ADGRB3: variants seen among roughly 807,000 people sequenced by gnomAD.
ADGRB3 encodes brain-specific angiogenesis inhibitor 3.
A neutral mutation model predicts 193.4 loss-of-function variants in ADGRB3; 37 were observed. That is an observed-to-expected ratio of 0.19 (90% CI 0.15 to 0.25). The LOEUF (loss-of-function observed/expected upper bound fraction) is 0.25. Ranked by LOEUF, ADGRB3 falls within the 10% of genes least tolerant of loss-of-function variation. ADGRB3 has a pLI of 1.00. For missense variants in ADGRB3, 1,637 were observed against 1,852.9 expected, an observed-to-expected ratio of 0.88 and a Z score of 2.14; for synonymous variants, 690 against 644.2, an observed-to-expected ratio of 1.07 and a Z score of -1.08.
chr6:68,797,876 T>C (rs1003249532), intron 3 of ADGRB3, among the ~76,000 whole-genome samples: 1 of 152,226 alleles, frequency 6.6e-6, no homozygotes, highest in Non-Finnish European at 1.5e-5. Context: ...AACCATATAA[T>C]AATTCTTTTG....
Position 69,201,571 on chromosome 6 carries a change from C to G in ADGRB3, c.2481-31719C>G, listed in dbSNP as rs182942826. On this transcript the variant is annotated intron_variant, in intron 17 of 31. Coordinates refer to ENST00000370598, the MANE Select transcript of ADGRB3 (RefSeq NM_001704.3). The stretch of plus-strand genomic sequence containing the variant: ...GTTTTGCTTCATTCTCTTCTATATA[C>G]TTACATTTTATTGATTCAAAATATC... Among the ~76,000 whole-genome samples the G allele has an allele frequency of 2.9e-3, 443 of 152,108 alleles. 5 individuals are homozygous for G. Among genetic ancestry groups the G allele is most frequent in the Middle Eastern group, 0.02 (6 of 294 alleles).
At chr6:68,954,371 T>G (rs895561633) in intron 6 of ADGRB3, among the ~76,000 whole-genome samples, 1 of 152,196 alleles carries the variant, frequency 6.6e-6, no homozygotes, top group Non-Finnish European at 1.5e-5. Context: ...TTGAATGAAT[T>G]AATACATGAA....
At chr6:68,726,629 A>G (rs1765678583) in intron 3 of ADGRB3, among the ~76,000 whole-genome samples, 1 of 151,598 alleles carries the variant, frequency 6.6e-6, no homozygotes, top group African/African-American at 2.4e-5. Context: ...ATTTCCCTAT[A>G]TGGAAAATAA....
intron 17 of ADGRB3, among the ~76,000 whole-genome samples, chr6:69,143,586 A>T (rs939968310): frequency 1.4e-4 from 22 of 152,308 alleles, no homozygotes; most frequent in African/African-American, 5.1e-4. Flanking sequence ...GTGTAGTTTC[A>T]TTCTTCTGCA....
intron 17 of ADGRB3, among the ~76,000 whole-genome samples, chr6:69,159,007 G>A (rs151195322): frequency 1.8e-3 from 271 of 151,928 alleles, no homozygotes; most frequent in African/African-American, 6.1e-3. Context: ...TCTATACCAT[G>A]CCTCATGAAA....
intron 17 of ADGRB3, among the ~76,000 whole-genome samples, chr6:69,214,261 G>T (rs1204176947): frequency 6.6e-6 from 1 of 152,150 alleles, no homozygotes; most frequent in Non-Finnish European, 1.5e-5. Context: ...AGTGGTGTCA[G>T]CTGGGTGTGG....
At chr6:68,808,508 C>T (rs550173346) in intron 3 of ADGRB3, among the ~76,000 whole-genome samples, 3 of 151,762 alleles carry the variant, frequency 2.0e-5, no homozygotes, top group South Asian at 2.1e-4. Flanking sequence ...CAATACACTA[C>T]CAATTGTATA....
intron 17 of ADGRB3, among the ~76,000 whole-genome samples, chr6:69,197,140 G>T (rs987018783): frequency 2.0e-5 from 3 of 151,716 alleles, no homozygotes; most frequent in Non-Finnish European, 2.9e-5. Context: ...CAAGACAAAA[G>T]GTTTTTTAAA....
chr6:68,731,255 G>T (rs989922622), intron 3 of ADGRB3, among the ~76,000 whole-genome samples: 1 of 151,204 alleles, frequency 6.6e-6, no homozygotes, highest in African/African-American at 2.4e-5. Context: ...CTTAATCCTC[G>T]TGTTACGGAT....
In ADGRB3 at chr6:69,362,499, A is replaced by G. The variant is rs560355882; in HGVS notation, c.4239+987A>G. Among the ~76,000 whole-genome samples the G allele has an allele frequency of 2.6e-5, 4 of 152,082 alleles. No individual in the cohort carries two copies. In the South Asian group the frequency reaches 8.3e-4, roughly 31 times the overall value. ...TTCCACTAGGTCAAAATGAAGAGGC[A>G]TTCTGAGAGTCTTAAAAAATGCGAT... is the stretch of plus-strand genomic sequence containing the variant. On this transcript the variant is annotated intron_variant, in intron 29 of 31. Coordinates refer to ENST00000370598, the MANE Select transcript of ADGRB3 (RefSeq NM_001704.3).
At chr6:69,251,097 C>T (rs574459898) in intron 20 of ADGRB3, among the ~76,000 whole-genome samples, 2 of 152,318 alleles carry the variant, frequency 1.3e-5, no homozygotes, top group South Asian at 4.1e-4. Context: ...GTACCTGTTG[C>T]CCTGGTGCAA....
chr6:68,786,029 G>A (rs962253182), intron 3 of ADGRB3, among the ~76,000 whole-genome samples: 5 of 151,764 alleles, frequency 3.3e-5, no homozygotes, highest in Non-Finnish European at 7.4e-5. Flanking sequence ...ATTTGTTTGA[G>A]TTCATTGTAG....
At chr6:68,960,794 A>AC (rs1554228270) in intron 8 of ADGRB3, among the ~76,000 whole-genome samples, 12 of 151,762 alleles carry the variant, frequency 7.9e-5, no homozygotes, top group Non-Finnish European at 1.2e-4. Flanking sequence ...CCTGAGCCAG[A>AC]CCCCACCAGC....
At chr6:68,794,351 A>G (rs1032285436) in intron 3 of ADGRB3, among the ~76,000 whole-genome samples, 9 of 152,014 alleles carry the variant, frequency 5.9e-5, no homozygotes, top group African/African-American at 2.2e-4. Context: ...GCATATATAC[A>G]TAATTCATAC....
At chr6:69,050,987 C>G (rs1305056147) in intron 15 of ADGRB3, among the ~76,000 whole-genome samples, 1 of 152,122 alleles carries the variant, frequency 6.6e-6, no homozygotes, top group Non-Finnish European at 1.5e-5. Flanking sequence ...CTCACCTACA[C>G]AAATGAAGTC....
chr6:69,381,256 A>G (rs1419449910), intron 30 of ADGRB3, among the ~76,000 whole-genome samples: 1 of 151,890 alleles, frequency 6.6e-6, no homozygotes, highest in Non-Finnish European at 1.5e-5. Flanking sequence ...TTCTCTGTTA[A>G]TCCTGCAAAT....
chr6:69,378,128 T>G (rs1343508751), intron 30 of ADGRB3, among the ~76,000 whole-genome samples: 1 of 152,018 alleles, frequency 6.6e-6, no homozygotes, highest in Non-Finnish European at 1.5e-5. Flanking sequence ...TACAGACGAA[T>G]AAGCAATTGT....
chr6:69,017,703 T>C (rs1028569437), intron 12 of ADGRB3, among the ~76,000 whole-genome samples: 1 of 151,874 alleles, frequency 6.6e-6, no homozygotes, highest in Admixed American at 6.6e-5. Flanking sequence ...GACAGTTAGG[T>C]AGATACTGCT....
At chr6:69,375,932 G>A (rs1769807236) in intron 30 of ADGRB3, among the ~76,000 whole-genome samples, 1 of 151,758 alleles carries the variant, frequency 6.6e-6, no homozygotes, top group African/African-American at 2.4e-5. Context: ...AACAAAGTGA[G>A]ACTCCATCTC....
Sources: allele counts gnomAD v4.1 joint callset (sites outside exome capture counted in the v4.1 genomes callset), GRCh38; gene constraint gnomAD v4.1.1; transcripts MANE v1.5; gene names NCBI Gene and HGNC (gene_info 2026-07-23, HGNC 2026-07-21).